ACTR3C: variants seen among roughly 807,000 people sequenced by gnomAD.
ACTR3C encodes actin-related protein 3C.
In ACTR3C, 18 loss-of-function variants were observed where a neutral mutation model predicts 26.3. The observed-to-expected ratio is 0.68, with a 90% CI of 0.47 to 1.01. The LOEUF is 1.01. Ranked by LOEUF, ACTR3C falls within the 50% of genes least tolerant of loss-of-function variation. The pLI, the probability that ACTR3C is intolerant of heterozygous loss-of-function variation, is 0.00. For synonymous variants in ACTR3C, 55 were observed against 94.5 expected (o/e 0.58, Z 2.42); for missense variants, 184 against 250.7 (o/e 0.73, Z 1.80).
the ACTR3C span, among the ~76,000 whole-genome samples, chr7:150,205,730 G>T: frequency 6.6e-6 from 1 of 151,696 alleles, no homozygotes; most frequent in Non-Finnish European, 1.5e-5. Flanking sequence ...AACAAATTCA[G>T]TTCTGGCGAG....
At chr7:150,041,803 C>G in the ACTR3C span, among the ~76,000 whole-genome samples, 3 of 140,066 alleles carry the variant, frequency 2.1e-5, no homozygotes, top group Admixed American at 1.4e-4. Context: ...GGGTGCCTCC[C>G]CCCCTGCGAT....
At chr7:149,917,228 A>G in the ACTR3C span, among the ~76,000 whole-genome samples, 6,202 of 152,174 alleles carry the variant, frequency 0.041, 171 homozygotes, top group Non-Finnish European at 0.057. Context: ...GGCATGCGCC[A>G]CTACGCCCAG....
the ACTR3C span, among the ~76,000 whole-genome samples, chr7:149,985,544 A>G: frequency 6.6e-6 from 1 of 152,228 alleles, no homozygotes; most frequent in Admixed American, 6.5e-5. Context: ...ATACCAAGGC[A>G]CCACAGAGCT....
chr7:150,231,046 G>GTTCT, the ACTR3C span, among the ~76,000 whole-genome samples: 1 of 148,480 alleles, frequency 6.7e-6, no homozygotes, highest in African/African-American at 2.6e-5. Flanking sequence ...ATCAATTTTG[G>GTTCT]ATCTTCTTCT....
chr7:149,926,175 G>T, the ACTR3C span, among the ~76,000 whole-genome samples: 1 of 152,114 alleles, frequency 6.6e-6, no homozygotes, highest in Non-Finnish European at 1.5e-5. Context: ...GAATAAATCC[G>T]ATTGCCTAAA....
chr7:150,025,363 A>C, the ACTR3C span, among the ~76,000 whole-genome samples: 1 of 152,012 alleles, frequency 6.6e-6, no homozygotes, highest in Non-Finnish European at 1.5e-5. Flanking sequence ...ACGTGGATGA[A>C]AATTATTAGC....
At chr7:150,267,956 A>G (rs1185235289) in intron 6 of ACTR3C, among the ~76,000 whole-genome samples, 3 of 152,242 alleles carry the variant, frequency 2.0e-5, no homozygotes, top group Non-Finnish European at 4.4e-5. Flanking sequence ...TACACTTACA[A>G]TGGTTCATTT....
At chr7:150,150,603 T>C in the ACTR3C span, among the ~76,000 whole-genome samples, 2 of 138,906 alleles carry the variant, frequency 1.4e-5, 1 homozygote, top group African/African-American at 5.0e-5. Context: ...TCCTTCTGTC[T>C]TGCAGAAATT....
chr7:150,206,720 C>T, the ACTR3C span, among the ~76,000 whole-genome samples: 3 of 152,258 alleles, frequency 2.0e-5, no homozygotes, highest in Admixed American at 2.0e-4. Context: ...CCGCACCAGG[C>T]GGGTAGAGTC....
the ACTR3C span, among the ~76,000 whole-genome samples, chr7:150,040,834 A>G: frequency 1.4e-5 from 2 of 147,732 alleles, no homozygotes; most frequent in South Asian, 2.2e-4. Context: ...GGGGGTCACA[A>G]GAGCCAGAGG....
At chr7:150,068,715 A>T in the ACTR3C span, among the ~76,000 whole-genome samples, 1 of 148,458 alleles carries the variant, frequency 6.7e-6, no homozygotes, top group Non-Finnish European at 1.5e-5. Flanking sequence ...CCCAGGAGGC[A>T]GAACTTGCAG....
At chr7:150,036,243 T>A in the ACTR3C span, among the ~76,000 whole-genome samples, 2 of 147,012 alleles carry the variant, frequency 1.4e-5, no homozygotes, top group Admixed American at 1.3e-4. Flanking sequence ...GGCCTTTATG[T>A]TCAGGTTTTG....
chr7:150,319,854 G>A (rs571476608), intron 1 of ACTR3C, among the ~76,000 whole-genome samples: 11 of 152,264 alleles, frequency 7.2e-5, no homozygotes, highest in Middle Eastern at 6.8e-3. Flanking sequence ...TCTAGGGGCA[G>A]GAGCCAGTCC....
chr7:150,204,849 G>A, the ACTR3C span, among the ~76,000 whole-genome samples: 7 of 151,986 alleles, frequency 4.6e-5, no homozygotes, highest in South Asian at 4.2e-4. Context: ...GAGGACTGGC[G>A]AGTGCAGAGG....
At chr7:150,221,792 A>C in the ACTR3C span, among the ~76,000 whole-genome samples, 1 of 152,122 alleles carries the variant, frequency 6.6e-6, no homozygotes, top group South Asian at 2.1e-4. Flanking sequence ...CAGGAGATTG[A>C]GACCATCCTG....
the ACTR3C span, among the ~76,000 whole-genome samples, chr7:149,885,494 G>A: frequency 2.6e-5 from 4 of 152,222 alleles, no homozygotes; most frequent in Non-Finnish European, 2.9e-5. Flanking sequence ...GAGCCCAGTG[G>A]AACTTTGTGT....
At chr7:150,277,916 A>G (rs917338286) in intron 6 of ACTR3C, among the ~76,000 whole-genome samples, 3 of 152,170 alleles carry the variant, frequency 2.0e-5, no homozygotes, top group Non-Finnish European at 2.9e-5. Flanking sequence ...ACACTCCTGC[A>G]GAAAATTGTC....
At chr7:150,079,704 C>A in the ACTR3C span, among the ~76,000 whole-genome samples, 2 of 152,162 alleles carry the variant, frequency 1.3e-5, no homozygotes, top group South Asian at 4.1e-4. Flanking sequence ...CACATTGTAT[C>A]CTCCACAGTG....
At chr7:150,253,438 C>A (rs1832985221) in intron 6 of ACTR3C, among the ~76,000 whole-genome samples, 1 of 152,142 alleles carries the variant, frequency 6.6e-6, no homozygotes, top group Non-Finnish European at 1.5e-5. Context: ...CCATGCAGAG[C>A]TCTAGCATCC....
Sources: allele counts gnomAD v4.1 joint callset (sites outside exome capture counted in the v4.1 genomes callset), GRCh38; gene constraint gnomAD v4.1.1; transcripts MANE v1.5; gene names NCBI Gene and HGNC (gene_info 2026-07-23, HGNC 2026-07-21).